The following MTBP variants were observed in gnomAD, a reference collection of about 807,000 sequenced individuals.
MTBP encodes the protein mdm2-binding protein.
A neutral mutation model predicts 117.0 loss-of-function variants in MTBP; 101 were observed. The observed-to-expected ratio is 0.86, with a 90% CI of 0.73 to 1.02. The LOEUF (loss-of-function observed/expected upper bound fraction) is 1.02, where lower values mean the gene tolerates loss of function less well. MTBP is among the 50% of genes least tolerant of loss of function. The pLI is 0.00. For missense variants in MTBP, 970 were observed against 1,030.9 expected (o/e 0.94, Z 0.81); for synonymous variants, 350 against 351.5 (o/e 1.00, Z 0.05).
chr8:120,480,351 A>G (rs928080810), intron 11 of MTBP, among the ~76,000 whole-genome samples: 2 of 152,168 alleles, frequency 1.3e-5, no homozygotes, highest in Non-Finnish European at 1.5e-5. Context: ...CAGAGGTTGC[A>G]GTGAGCCGAG....
At chr8:120,518,466 AT>A (rs1814958410) in intron 19 of MTBP, among the ~76,000 whole-genome samples, 1 of 151,966 alleles carries the variant, frequency 6.6e-6, no homozygotes, top group African/African-American at 2.4e-5. Context: ...AGAACTCATG[AT>A]TTGAGTTCCT....
chr8:120,449,174 A>G (rs1257457798), intron 2 of MTBP, among the ~76,000 whole-genome samples: 3 of 152,034 alleles, frequency 2.0e-5, no homozygotes, highest in Non-Finnish European at 2.9e-5. Context: ...GAAGGAAATT[A>G]TGGGGGTAGA....
intron 15 of MTBP, among the ~76,000 whole-genome samples, chr8:120,505,682 G>C (rs1268703769): frequency 6.6e-6 from 1 of 152,150 alleles, no homozygotes; most frequent in Non-Finnish European, 1.5e-5. Flanking sequence ...TTAATTTTCT[G>C]TGCAGACATT....
At position 120,445,512 on chromosome 8, in the gene MTBP, A is replaced by G. The variant is rs768873228; in HGVS notation, c.42A>G (p.Lys14=). The stretch of plus-strand genomic sequence containing the variant: ...TGCTGGTGATCTGGGGGGAAGGAAA[A>G]TTCCCGTCGGCGGCCAGTAGGGAGG... The part of the protein sequence containing the change: ...YLLLVIWGEG[K]FPSAASREAE... The change falls in exon 1 of 22, where the codon AAA becomes AAG. Residue 14 remains lysine, a synonymous_variant. Coordinates refer to ENST00000305949, the MANE Select transcript of MTBP (RefSeq NM_022045.5). 3 of 1,613,382 alleles carry G rather than the reference A, an allele frequency of 1.9e-6. No homozygotes were observed. The highest frequency in any genetic ancestry group is 2.5e-6 in the Non-Finnish European group (3 of 1,179,760).
intron 15 of MTBP, among the ~76,000 whole-genome samples, chr8:120,504,511 G>T (rs374895403): frequency 1.3e-5 from 2 of 152,042 alleles, no homozygotes; most frequent in Non-Finnish European, 2.9e-5. Flanking sequence ...ATATTAAAGA[G>T]AAGTCTGATG....
intron 13 of MTBP, among the ~76,000 whole-genome samples, chr8:120,491,855 T>C (rs899722932): frequency 1.2e-4 from 18 of 152,104 alleles, no homozygotes; most frequent in Non-Finnish European, 8.8e-5. Context: ...CTCTTCTTTG[T>C]GAAAGGAGAA....
At chr8:120,481,086 CCAACAT>C (rs2130567413) in intron 11 of MTBP, among the ~76,000 whole-genome samples, 1 of 152,148 alleles carries the variant, frequency 6.6e-6, no homozygotes, top group Non-Finnish European at 1.5e-5. Flanking sequence ...GAAAAGATGC[CCAACAT>C]CATTAGTCTC....
In MTBP at chr8:120,522,655, A is replaced by T. The variant is rs1200041970; in HGVS notation, c.2612A>T (p.Asp871Val). 1.9e-6 allele frequency: 3 copies of T among 1,590,102 alleles called. No individual in the cohort carries two copies. The highest frequency in any genetic ancestry group is 1.7e-4 in the Middle Eastern group (1 of 5,966). The change falls in exon 21 of 22, where the codon GAT (aspartate) becomes GTT (valine). Residue 871 changes from aspartate to valine, a missense_variant and splice_region_variant. Transcript: ENST00000305949. ...AATGCTGTATTTTATTATGTTTAGGATCTTAAAACTTCAAGGGGTCTATTT... is the reference window on the plus strand; with the variant it reads ...AATGCTGTATTTTATTATGTTTAGGTTCTTAAAACTTCAAGGGGTCTATTT... ...LFEISKFYLK[D>V]LKTSRGLFEE...
chr8:120,495,381 G>T (rs954458888), intron 13 of MTBP, among the ~76,000 whole-genome samples: 3 of 151,996 alleles, frequency 2.0e-5, no homozygotes, highest in Non-Finnish European at 2.9e-5. Context: ...CAGAATCATT[G>T]TCTCTAGAAG....
intron 19 of MTBP, 25 bp from the exon 20 acceptor site, chr8:120,518,679 C>T (rs756080846): frequency 1.2e-5 from 17 of 1,456,496 alleles, no homozygotes; most frequent in African/African-American, 2.8e-5. Context: ...AAGAAATATT[C>T]GTCATATGTT....
Position 120,488,184 on chromosome 8 carries a change from G to T in MTBP, c.1191G>T (p.Glu397Asp). The change falls in exon 12 of 22, where the codon GAG becomes GAT. Residue 397 changes from glutamate to aspartate, a missense_variant. By Grantham distance (45) the Glu-to-Asp change is conservative. Transcript: ENST00000305949. ...TTCCAGATGTTGAAGTGAAAGGAGA[G>T]TGTTCTAGCTATTATCTCTTGTTAC... The part of the protein sequence containing the change: ...ISVPDVEVKG[E>D]CSSYYLLLQG... 6.3e-7 allele frequency: 1 copy of T among 1,582,638 alleles called. No homozygotes were observed. Among genetic ancestry groups the T allele is most frequent in the Non-Finnish European group, 8.6e-7 (1 of 1,169,478 alleles).
chr8:120,511,232 G>T (rs1474932614), intron 17 of MTBP, among the ~76,000 whole-genome samples: 1 of 152,168 alleles, frequency 6.6e-6, no homozygotes, highest in Admixed American at 6.6e-5. Flanking sequence ...CTTAAATTTA[G>T]CTGAAGCTTT....
intron 11 of MTBP, among the ~76,000 whole-genome samples, chr8:120,485,707 T>A (rs997013909): frequency 2.6e-5 from 4 of 152,228 alleles, no homozygotes; most frequent in Non-Finnish European, 4.4e-5. Context: ...CATAATTTCT[T>A]GATAAAGATG....
intron 8 of MTBP, 46 bp downstream of exon 8, chr8:120,459,395 G>C: frequency 6.5e-7 from 1 of 1,550,334 alleles, no homozygotes; most frequent in Non-Finnish European, 8.7e-7. Flanking sequence ...GTGTATTTTT[G>C]TTCCTATAAA....
intron 15 of MTBP, among the ~76,000 whole-genome samples, chr8:120,503,957 C>T (rs1398667640): frequency 6.6e-6 from 1 of 152,038 alleles, no homozygotes; most frequent in Non-Finnish European, 1.5e-5. Context: ...GTGAGGACAG[C>T]TTTGGGGAGA....
At chr8:120,454,460 TTG>T (rs1813427290) in intron 5 of MTBP, among the ~76,000 whole-genome samples, 1 of 152,104 alleles carries the variant, frequency 6.6e-6, no homozygotes, top group Non-Finnish European at 1.5e-5. Context: ...CTTTTTTCCT[TTG>T]TGTTAATCAA....
intron 13 of MTBP, among the ~76,000 whole-genome samples, chr8:120,493,722 C>T (rs897355011): frequency 9.2e-5 from 14 of 152,072 alleles, no homozygotes; most frequent in Admixed American, 2.6e-4. Context: ...AACTCTGGAC[C>T]TCAGGTGATC....
At chr8:120,515,454 A>G (rs973960934) in intron 17 of MTBP, among the ~76,000 whole-genome samples, 2 of 152,036 alleles carry the variant, frequency 1.3e-5, no homozygotes, top group African/African-American at 4.8e-5. Flanking sequence ...TTCAAAGAAA[A>G]AATTCTAAAT....
intron 18 of MTBP, among the ~76,000 whole-genome samples, chr8:120,517,515 C>T (rs1766776132): frequency 6.6e-6 from 1 of 151,830 alleles, no homozygotes; most frequent in Non-Finnish European, 1.5e-5. Context: ...ATCTGAAGAA[C>T]TAAGGAACAA....
Sources: allele counts gnomAD v4.1 joint callset (sites outside exome capture counted in the v4.1 genomes callset), GRCh38; gene constraint gnomAD v4.1.1; transcripts MANE v1.5; gene names NCBI Gene and HGNC (gene_info 2026-07-23, HGNC 2026-07-21).